PLEKHA7: variants seen among roughly 807,000 people sequenced by gnomAD.
PLEKHA7 encodes the protein pleckstrin homology domain containing A7.
A neutral mutation model predicts 170.0 loss-of-function variants in PLEKHA7; 104 were observed. The ratio of observed to expected loss-of-function variants is 0.61; its 90% CI spans 0.52 to 0.72. The LOEUF is 0.72. Among genes scored for constraint, PLEKHA7 ranks in the 30% least tolerant of loss-of-function variants. The pLI is 0.00. For missense variants in PLEKHA7, 1,615 were observed against 1,671.7 expected (o/e 0.97, Z 0.59); for synonymous variants, 648 against 660.8 (o/e 0.98, Z 0.30).
chr11:16,789,181 C>A lies in PLEKHA7; in HGVS notation c.3272G>T (p.Arg1091Leu), dbSNP rs377022680. 1.2e-6 allele frequency: 2 copies of A among 1,612,724 alleles called. No individual in the cohort carries two copies. The highest frequency in any genetic ancestry group is 1.7e-6 in the Non-Finnish European group (2 of 1,180,050). The part of the protein sequence containing the change: ...KRHQKALVRE[R>L]KRTLGQGERT... The stretch of plus-strand genomic sequence containing the variant: ...CTCCCCTTGGCCCAGTGTCCTCTTG[C>A]GCTCTCGGACCAGGGCCTTCTGGTG... The change falls in exon 23 of 27, where the codon CGC (arginine) becomes CTC (leucine). Residue 1091 changes from arginine (R) to leucine (L), a missense_variant. Physicochemically the swap from Arg to Leu is moderately radical, Grantham distance 102. Coordinates refer to ENST00000531066, the MANE Select transcript of PLEKHA7 (RefSeq NM_001329630.2). This position sits in a 1 kb window ranked among gnomAD's most constrained non-coding sequence, Gnocchi z 4.6.
intron 3 of PLEKHA7, among the ~76,000 whole-genome samples, chr11:16,975,703 G>GAGAT (rs1565171986): frequency 2.0e-5 from 3 of 152,020 alleles, no homozygotes; most frequent in African/African-American, 7.3e-5. Flanking sequence ...TAGATACACA[G>GAGAT]AGATAGACAA....
chr11:16,911,976 C>T (rs177556), intron 3 of PLEKHA7, among the ~76,000 whole-genome samples: 35,751 of 152,066 alleles, frequency 0.24, 6,524 homozygotes, highest in African/African-American at 0.5. Context: ...AGATACATCT[C>T]TGGAGGCTTC....
chr11:16,826,033 T>C, intron 10 of PLEKHA7, 87 bp downstream of exon 10: 2 of 1,355,946 alleles, frequency 1.5e-6, no homozygotes, highest in Admixed American at 3.9e-5. Context: ...AAGGCTGCCC[T>C]TACGCAGCAA....
chr11:16,940,351 G>C (rs759755460), intron 3 of PLEKHA7, among the ~76,000 whole-genome samples: 67 of 143,154 alleles, frequency 4.7e-4, no homozygotes, highest in Non-Finnish European at 8.4e-4. Flanking sequence ...GCAATGGCGT[G>C]ATCTGGGCTC....
intron 3 of PLEKHA7, among the ~76,000 whole-genome samples, chr11:16,889,420 A>AAAAAAAAATATATAT (rs61086849): frequency 6.7e-5 from 5 of 74,658 alleles, no homozygotes; most frequent in Non-Finnish European, 7.1e-5. Context: ...AAAAAAAAAA[A>AAAAAAAAATATATAT]ATATATATAT....
At chr11:16,803,320 G>C in intron 13 of PLEKHA7, 25 bp from the exon 14 acceptor site, 3 of 1,596,868 alleles carry the variant, frequency 1.9e-6, no homozygotes, top group Non-Finnish European at 2.6e-6. Flanking sequence ...ATTTAAAAGA[G>C]ATTTAACCAT....
At chr11:16,828,981 G>A (rs1203246400) in intron 9 of PLEKHA7, among the ~76,000 whole-genome samples, 1 of 151,938 alleles carries the variant, frequency 6.6e-6, no homozygotes, top group African/African-American at 2.4e-5. Context: ...TATCTCTTTG[G>A]ATTTTCTGGT....
At chr11:16,853,126 G>A (rs754671189) in intron 6 of PLEKHA7, among the ~76,000 whole-genome samples, 2 of 152,066 alleles carry the variant, frequency 1.3e-5, no homozygotes, top group African/African-American at 4.8e-5. Flanking sequence ...CAGGAAGATC[G>A]CCTGTGACCA....
intron 3 of PLEKHA7, among the ~76,000 whole-genome samples, chr11:16,978,463 C>T (rs982516174): frequency 6.6e-6 from 1 of 152,186 alleles, no homozygotes; most frequent in East Asian, 1.9e-4. Flanking sequence ...CCATGATGGG[C>T]TTTAGAATCA....
chr11:16,786,189 C>T, intron 24 of PLEKHA7, 40 bp downstream of exon 24: 1 of 1,531,236 alleles, frequency 6.5e-7, no homozygotes, highest in Non-Finnish European at 8.7e-7. Flanking sequence ...ACTTGAAGGC[C>T]ATGTCTCCTG....
chr11:17,005,925 C>T (rs1275321609), intron 3 of PLEKHA7, among the ~76,000 whole-genome samples: 1 of 152,190 alleles, frequency 6.6e-6, no homozygotes, highest in Non-Finnish European at 1.5e-5. Flanking sequence ...GCTGGGAAAA[C>T]CTTTCTTAAC....
At chr11:16,869,772 A>AT (rs898867422) in intron 4 of PLEKHA7, among the ~76,000 whole-genome samples, 22 of 152,268 alleles carry the variant, frequency 1.4e-4, no homozygotes, top group African/African-American at 5.1e-4. Flanking sequence ...GTATATTTTA[A>AT]TTTTTTTCCA....
intron 3 of PLEKHA7, among the ~76,000 whole-genome samples, chr11:16,993,499 G>A (rs1472789351): frequency 1.3e-5 from 2 of 152,142 alleles, no homozygotes; most frequent in Non-Finnish European, 2.9e-5. Flanking sequence ...CAGAGTCATT[G>A]TGAAGAGCCA....
chr11:16,948,239 T>C (rs962014376), intron 3 of PLEKHA7, among the ~76,000 whole-genome samples: 21 of 152,158 alleles, frequency 1.4e-4, no homozygotes, highest in Non-Finnish European at 2.9e-4. Context: ...AAGAAATAAG[T>C]TCAAGAGATC....
At chr11:16,967,803 C>T (rs191885620) in intron 3 of PLEKHA7, among the ~76,000 whole-genome samples, 1 of 151,780 alleles carries the variant, frequency 6.6e-6, no homozygotes, top group Non-Finnish European at 1.5e-5. Context: ...GATTCAGGCA[C>T]CCCCATTTGA....
At chr11:16,956,158 C>T (rs577434010) in intron 3 of PLEKHA7, among the ~76,000 whole-genome samples, 15 of 152,208 alleles carry the variant, frequency 9.9e-5, no homozygotes, top group African/African-American at 3.4e-4. Flanking sequence ...GGAGTATGTA[C>T]GTATGTGTGT....
chr11:16,877,687 T>C (rs894039744), intron 3 of PLEKHA7, among the ~76,000 whole-genome samples: 22 of 152,186 alleles, frequency 1.4e-4, no homozygotes, highest in Non-Finnish European at 2.9e-5. Flanking sequence ...CAATCCTCTC[T>C]TTAAGTAGAA....
In PLEKHA7 at chr11:16,826,265, A is replaced by C. The variant is rs1401929338; in HGVS notation, c.1198T>G (p.Ser400Ala). Residue 400 changes from serine to alanine, a missense_variant, in exon 10 of 27, where the codon TCA becomes GCA. By Grantham distance (99) the Ser-to-Ala change is moderately conservative (BLOSUM62 1). Coordinates refer to ENST00000531066, the MANE Select transcript of PLEKHA7 (RefSeq NM_001329630.2). ...RAEKNGMLPA[S>A]YGPGEQNGTG... ...CCATTCTGTTCTCCTGGGCCATATGAGGCAGGCAGCATTCCATTCTTCTCT... is the reference window on the plus strand; with the variant it reads ...CCATTCTGTTCTCCTGGGCCATATGCGGCAGGCAGCATTCCATTCTTCTCT... The C allele has an allele frequency of 6.2e-7, 1 of 1,614,178 alleles. No individual in the cohort carries two copies. The highest frequency in any genetic ancestry group is 8.5e-7 in the Non-Finnish European group (1 of 1,180,034).
chr11:16,786,330 T>A lies in PLEKHA7; in HGVS notation c.3415A>T (p.Lys1139Ter). ...CAGCCATTCTCCTCCTTGTCCTTTT[T>A]TTCCCCTTGCACGACCCGTTCCAGC... ...QLLERVVQGE[K>*]KDKEENGWLK... Residue 1139 changes from lysine to a stop codon, truncating the protein, a stop_gained, in exon 24 of 27, where the codon AAA (lysine) becomes TAA (stop). Coordinates refer to ENST00000531066, the MANE Select transcript of PLEKHA7 (RefSeq NM_001329630.2). LOFTEE classifies it high-confidence loss of function. The A allele has an allele frequency of 6.5e-7, 1 of 1,536,170 alleles. No individual in the cohort carries two copies. The highest frequency in any genetic ancestry group is 8.7e-7 in the Non-Finnish European group (1 of 1,146,918).
Sources: gnomAD v4.1 joint callset for allele counts (sites outside exome capture counted in the v4.1 genomes callset) on GRCh38, gnomAD v4.1.1 for gene constraint, Gnocchi (gnomAD v3.1) non-coding constraint, MANE v1.5 for transcripts, NCBI Gene and HGNC (gene_info 2026-07-23, HGNC 2026-07-21) for gene names.